The following DNAH8 variants were observed in gnomAD, a reference collection of about 807,000 sequenced individuals.
DNAH8 encodes the protein dynein axonemal heavy chain 8.
Under a neutral mutation model 562.1 loss-of-function variants are expected in DNAH8, and 382 were observed. That is an observed-to-expected ratio of 0.68 (90% CI 0.63 to 0.74). The LOEUF (loss-of-function observed/expected upper bound fraction) is 0.74. DNAH8 is among the 30% of genes least tolerant of loss of function. The probability of loss-of-function intolerance (pLI) is 0.00; values close to 1 mark genes in which losing one functional copy is unlikely to be tolerated. For synonymous variants in DNAH8, 1,881 were observed against 1,919.4 expected (o/e 0.98, Z 0.52); for missense variants, 5,203 against 5,620.4 (o/e 0.93, Z 2.37).
At chr6:38,788,576 C>T (rs1769407790) in intron 18 of DNAH8, among the ~76,000 whole-genome samples, 1 of 152,162 alleles carries the variant, frequency 6.6e-6, no homozygotes, top group South Asian at 2.1e-4. Context: ...TAACCTTTTG[C>T]ATACTTTCGT....
chr6:38,842,237 T>C (rs1017107773), intron 33 of DNAH8, 131 bp from the exon 34 acceptor site: 3 of 617,858 alleles, frequency 4.9e-6, no homozygotes, highest in South Asian at 3.7e-5. Context: ...TATAGTTGTA[T>C]GCATTTGGTA....
chr6:38,871,734 A>G (rs1460291414), intron 49 of DNAH8, among the ~76,000 whole-genome samples: 2 of 152,162 alleles, frequency 1.3e-5, no homozygotes, highest in East Asian at 3.9e-4. Flanking sequence ...GCCCCTGCCC[A>G]GCTTCTGTGT....
In DNAH8 at chr6:38,917,405, A is replaced by G. The variant is rs1781386527; in HGVS notation, c.10307A>G (p.Lys3436Arg). Residue 3436 changes from lysine to arginine, a missense_variant and splice_region_variant, in exon 69 of 93, where the codon AAG (lysine) becomes AGG (arginine). By Grantham distance (26) the Lys-to-Arg change is conservative. Coordinates refer to ENST00000327475, the MANE Select transcript of DNAH8 (RefSeq NM_001206927.2). ...AAGCCATCATGGGGAGAGTCATTAA[A>G]GGTAAGTAAAATCTATCATTGTCAA... The part of the protein sequence containing the change: ...CCKPSWGESL[K>R]LMSATGFLWS... The G allele has an allele frequency of 6.2e-7, 1 of 1,612,522 alleles. No individual in the cohort carries two copies. Among genetic ancestry groups the G allele is most frequent in the Non-Finnish European group, 8.5e-7 (1 of 1,179,110 alleles).
Position 38,810,058 on chromosome 6 carries a change from C to T in DNAH8, c.3257+2342C>T, listed in dbSNP as rs368644749. On this transcript the variant is annotated intron_variant, in intron 24 of 92. Transcript: ENST00000327475. ...TTATACCTGATAATTTTCCTTCAGT[C>T]TCATTATTTCTGTCTTAGTGAGTTC... Among the ~76,000 whole-genome samples, 5 of 152,158 alleles carry T rather than the reference C, an allele frequency of 3.3e-5. No individual in the cohort carries two copies. In the East Asian group the frequency reaches 9.6e-4, roughly 29 times the overall value.
chr6:38,980,230 G>T (rs983524399), intron 85 of DNAH8, among the ~76,000 whole-genome samples: 2 of 152,152 alleles, frequency 1.3e-5, no homozygotes, highest in African/African-American at 4.8e-5. Context: ...TGCAAAAGGG[G>T]AGACAAAAAT....
chr6:38,902,346 G>T (rs1179533762), intron 62 of DNAH8, among the ~76,000 whole-genome samples: 2 of 152,048 alleles, frequency 1.3e-5, no homozygotes, highest in Admixed American at 6.6e-5. Context: ...TGGGTGTGTG[G>T]TGGCATCTCA....
chr6:39,009,769 T>G (rs1034865066), intron 89 of DNAH8, among the ~76,000 whole-genome samples: 3 of 152,182 alleles, frequency 2.0e-5, no homozygotes, highest in Admixed American at 6.5e-5. Flanking sequence ...AAAAAATGTT[T>G]TATTGCCTCT....
chr6:38,912,535 A>G (rs1780981175), intron 66 of DNAH8, among the ~76,000 whole-genome samples: 1 of 152,184 alleles, frequency 6.6e-6, no homozygotes, highest in South Asian at 2.1e-4. Flanking sequence ...AGTCATAGTT[A>G]TGAGAGAAGA....
rs1364192339 is a variant in DNAH8 at position 38,775,855 on chromosome 6, A to C, written c.1866A>C (p.Gln622His). The C allele has an allele frequency of 6.2e-7, 1 of 1,609,884 alleles. No individual in the cohort carries two copies. The highest frequency in any genetic ancestry group is 8.5e-7 in the Non-Finnish European group (1 of 1,176,360). ...CAATAAAATTCAGAAATATATACCAAGGGGTTAAGAAAAAGCAATATGACA... is the reference window on the plus strand; with the variant it reads ...CAATAAAATTCAGAAATATATACCACGGGGTTAAGAAAAAGCAATATGACA... ...IMAIKFRNIY[Q>H]GVKKKQYDIL... The change falls in exon 13 of 93, where the codon CAA becomes CAC. Residue 622 changes from glutamine (Q) to histidine (H), a missense_variant. Transcript: ENST00000327475.
At chr6:38,922,169 G>A (rs1435787655) in intron 71 of DNAH8, among the ~76,000 whole-genome samples, 1 of 151,782 alleles carries the variant, frequency 6.6e-6, no homozygotes, top group Non-Finnish European at 1.5e-5. Flanking sequence ...GACCTGACAG[G>A]GGCAATCTAC....
chr6:38,939,130 T>C, intron 79 of DNAH8, 142 bp downstream of exon 79: 1 of 650,740 alleles, frequency 1.5e-6, no homozygotes, highest in Non-Finnish European at 2.5e-6. Flanking sequence ...TTTTAATACC[T>C]TTTTTCTGTT....
chr6:38,779,812 G>A (rs1768406354), intron 14 of DNAH8, among the ~76,000 whole-genome samples, 154 bp from the exon 15 acceptor site: 1 of 152,212 alleles, frequency 6.6e-6, no homozygotes. Context: ...AACCAGGACT[G>A]TACCTCCTAT....
intron 82 of DNAH8, among the ~76,000 whole-genome samples, chr6:38,964,398 G>A (rs1180170168): frequency 5.3e-5 from 7 of 131,286 alleles, no homozygotes; most frequent in Non-Finnish European, 1.6e-5. Flanking sequence ...GGCTGGCCGG[G>A]CAGAGGGGCT....
chr6:38,960,808 A>AT (rs1473650631), intron 82 of DNAH8, among the ~76,000 whole-genome samples: 3 of 151,908 alleles, frequency 2.0e-5, no homozygotes, highest in African/African-American at 4.8e-5. Flanking sequence ...CTTTGAAAGG[A>AT]TTTTTTTCAT....
At chr6:38,897,660 A>T (rs139325086) in intron 60 of DNAH8, among the ~76,000 whole-genome samples, 1 of 152,138 alleles carries the variant, frequency 6.6e-6, no homozygotes, top group Non-Finnish European at 1.5e-5. Flanking sequence ...TATGCCTGTA[A>T]TACCCGCGAC....
chr6:38,761,595 C>G (rs990763171), intron 10 of DNAH8, 107 bp from the exon 11 acceptor site: 2 of 637,688 alleles, frequency 3.1e-6, no homozygotes, highest in Admixed American at 3.9e-5. Flanking sequence ...TGCACTTGGC[C>G]CATAGGTTTA....
chr6:38,825,843 G>A (rs183642785), intron 28 of DNAH8, among the ~76,000 whole-genome samples: 17 of 152,264 alleles, frequency 1.1e-4, no homozygotes, highest in African/African-American at 3.9e-4. Flanking sequence ...AATGAGGGCC[G>A]CTAATGGGAT....
intron 1 of DNAH8, among the ~76,000 whole-genome samples, chr6:38,717,643 T>A (rs2127558399): frequency 6.8e-6 from 1 of 147,882 alleles, no homozygotes; most frequent in Admixed American, 6.7e-5. Context: ...TTTTTTTTTT[T>A]AGAAAAGAAC....
chr6:39,030,514 A>T lies in DNAH8; in HGVS notation c.*122A>T. ...CTTAATTACTCTTTCTACATTAAAA[A>T]GTTGATGTTCTAAAATTGCTAGTGC... On this transcript the variant is annotated 3_prime_UTR_variant, in exon 93 of 93. Transcript: ENST00000327475. 1.1e-6 allele frequency: 1 copy of T among 879,086 alleles called. No individual in the cohort carries two copies. The highest frequency in any genetic ancestry group is 1.7e-6 in the Non-Finnish European group (1 of 586,276). The allele number at this position is 879,086 out of a possible 1,614,324, so 54.5% of individuals were successfully genotyped here. A position where few individuals can be genotyped will look rare whatever the true frequency, so the allele number is the denominator to read the frequency against.
Sources: gnomAD v4.1 joint callset for allele counts (sites outside exome capture counted in the v4.1 genomes callset) on GRCh38, gnomAD v4.1.1 for gene constraint, MANE v1.5 for transcripts, NCBI Gene and HGNC (gene_info 2026-07-23, HGNC 2026-07-21) for gene names.